Variants in WIPI2 observed in about 807,000 individuals in gnomAD.
WIPI2 encodes the protein WD repeat domain phosphoinositide-interacting protein 2.
Under a neutral mutation model 52.3 loss-of-function variants are expected in WIPI2, and 28 were observed. That is an observed-to-expected ratio of 0.54 (90% confidence interval 0.40 to 0.73). The LOEUF is 0.73. WIPI2 is among the 30% of genes least tolerant of loss of function. The pLI is 0.00. For synonymous variants in WIPI2, 268 were observed against 245.0 expected (o/e 1.09, Z -0.88); for missense variants, 506 against 602.9 (o/e 0.84, Z 1.68).
intron 11 of WIPI2, 43 bp downstream of exon 11, chr7:5,228,254 C>G: frequency 1.3e-6 from 2 of 1,535,956 alleles, no homozygotes; most frequent in Non-Finnish European, 1.8e-6. Flanking sequence ...TCCGTGCTGG[C>G]GGGGGGCTTT....
intron 7 of WIPI2, among the ~76,000 whole-genome samples, chr7:5,222,082 T>C (rs1783167283): frequency 6.6e-6 from 1 of 151,998 alleles, no homozygotes; most frequent in Non-Finnish European, 1.5e-5. Context: ...CCCGAGTAGT[T>C]GGGATTACAG....
intron 6 of WIPI2, 69 bp from the exon 7 acceptor site, chr7:5,217,853 C>G: frequency 6.6e-7 from 1 of 1,518,494 alleles, no homozygotes; most frequent in Non-Finnish European, 9.1e-7. Context: ...ACTTGCGGAC[C>G]AAGTGTCAGC....
At position 5,231,303 on chromosome 7, in the gene WIPI2, G is replaced by GTT. The variant is rs142445038; in HGVS notation, c.*361_*362dup. The GTT allele has an allele frequency of 0.02, 4,052 of 198,540 alleles. 175 individuals carry two copies. Among genetic ancestry groups the GTT allele is most frequent in the African/African-American group, 0.09 (3,851 of 42,754 alleles). The allele number at this position is 198,540 out of a possible 1,614,324, so 12.3% of individuals were successfully genotyped here. On this transcript the variant is annotated 3_prime_UTR_variant, in exon 13 of 13. Coordinates refer to ENST00000288828, the MANE Select transcript of WIPI2 (RefSeq NM_015610.4). ...CCACTTTCCAGCCACCTGCCGTTGG[G>GTT]TTTTTTCATATCTGTACATAATGCC...
At chr7:5,207,359 G>GT (rs1424613218) in intron 3 of WIPI2, among the ~76,000 whole-genome samples, 4 of 152,062 alleles carry the variant, frequency 2.6e-5, no homozygotes, top group East Asian at 3.8e-4. Context: ...CAGTGTTCTG[G>GT]TTTTTTTCTA....
chr7:5,219,163 C>T (rs562181165), intron 7 of WIPI2: 7 of 152,240 alleles, frequency 4.6e-5, no homozygotes, highest in Admixed American at 6.5e-5. Context: ...TTTGTTTCCC[C>T]TCAGCAAGGT....
chr7:5,199,778 T>C (rs902127848), intron 3 of WIPI2, 120 bp downstream of exon 3: 5 of 978,442 alleles, frequency 5.1e-6, no homozygotes, highest in Non-Finnish European at 7.4e-6. Flanking sequence ...TTACCAGTCC[T>C]CTGCTTCCAC....
At chr7:5,197,669 A>G (rs906846292) in intron 2 of WIPI2, among the ~76,000 whole-genome samples, 4 of 152,318 alleles carry the variant, frequency 2.6e-5, no homozygotes, top group Admixed American at 2.0e-4. Flanking sequence ...TTTCTTCCAC[A>G]TACGTGTGAA....
Position 5,190,277 on chromosome 7 carries a change from G to A in WIPI2, c.-143G>A. 2 of 406,638 alleles carry A rather than the reference G, an allele frequency of 4.9e-6. No homozygotes were observed. The highest frequency in any genetic ancestry group is 7.8e-6 in the Non-Finnish European group (2 of 256,108). The allele number at this position is 406,638 out of a possible 1,614,324, so 25.2% of individuals were successfully genotyped here. ...TGGAGCATAAACAAGAGCGGGGACG[G>A]GATGAGGCGGCGGTTGATCCCAGGG... is the stretch of plus-strand genomic sequence containing the variant. On this transcript the variant is annotated 5_prime_UTR_variant, in exon 1 of 13. Transcript: ENST00000288828.
chr7:5,226,976 A>G, intron 9 of WIPI2: 1 of 623,340 alleles, frequency 1.6e-6, no homozygotes, highest in South Asian at 2.1e-5. Flanking sequence ...AAGCCTGAGC[A>G]CCCCTCCCCC....
intron 2 of WIPI2, among the ~76,000 whole-genome samples, chr7:5,197,954 G>A (rs1781831072): frequency 6.6e-6 from 1 of 152,174 alleles, no homozygotes; most frequent in Non-Finnish European, 1.5e-5. Flanking sequence ...ACTGGGTTCT[G>A]GAGAGGCACT....
intron 3 of WIPI2, among the ~76,000 whole-genome samples, chr7:5,212,649 T>G (rs1296581386): frequency 6.6e-6 from 1 of 152,112 alleles, no homozygotes; most frequent in Non-Finnish European, 1.5e-5. Flanking sequence ...TCTTCCTACC[T>G]CAGCTACACA....
rs1035039485 is a variant in WIPI2, at chr7:5,227,670, C to T, written c.1013+326C>T. 2.0e-5 allele frequency among the ~76,000 whole-genome samples: 3 copies of T among 152,202 alleles called. No homozygotes were observed. Among genetic ancestry groups the T allele is most frequent in the Non-Finnish European group, 4.4e-5 (3 of 68,036 alleles). On this transcript the variant is annotated intron_variant, in intron 10 of 12. Transcript: ENST00000288828. This position sits in a 1 kb window ranked among gnomAD's most constrained non-coding sequence, Gnocchi z 8.1. ...CCGCACTTGCCGAGTCTCAGGCATC[C>T]GTCCGGCTCCAGGGTCTGGCCTCAG...
At chr7:5,201,018 A>C (rs367659010) in intron 3 of WIPI2, among the ~76,000 whole-genome samples, 36 of 152,280 alleles carry the variant, frequency 2.4e-4, no homozygotes, top group Middle Eastern at 3.4e-3. Context: ...TCTGCCACGG[A>C]GGCTGGGAGA....
At chr7:5,225,051 A>G (rs1303663036) in intron 8 of WIPI2, among the ~76,000 whole-genome samples, 2 of 152,160 alleles carry the variant, frequency 1.3e-5, no homozygotes, top group Non-Finnish European at 2.9e-5. Flanking sequence ...TTATGAAGAA[A>G]TTCACATGAA....
At chr7:5,201,040 C>T (rs1169368084) in intron 3 of WIPI2, among the ~76,000 whole-genome samples, 1 of 152,228 alleles carries the variant, frequency 6.6e-6, no homozygotes, top group African/African-American at 2.4e-5. Context: ...GTGATCTGGG[C>T]GATAACATAG....
chr7:5,221,229 G>A (rs1025911282), intron 7 of WIPI2, among the ~76,000 whole-genome samples: 1 of 151,860 alleles, frequency 6.6e-6, no homozygotes, highest in Non-Finnish European at 1.5e-5. Context: ...CCCAAAGCTT[G>A]GGATTACAGG....
intron 3 of WIPI2, among the ~76,000 whole-genome samples, chr7:5,210,707 CTTG>C (rs1782514478): frequency 1.3e-5 from 2 of 152,220 alleles, no homozygotes; most frequent in South Asian, 2.1e-4. Flanking sequence ...ACAGTTGATT[CTTG>C]TTGTTCACAG....
At chr7:5,207,804 C>T (rs1440808332) in intron 3 of WIPI2, among the ~76,000 whole-genome samples, 1 of 123,608 alleles carries the variant, frequency 8.1e-6, no homozygotes, top group Admixed American at 1.1e-4. Flanking sequence ...GAGTCTCTGT[C>T]GCCCAGGCTG....
chr7:5,197,473 AC>A (rs1479279870), intron 2 of WIPI2, among the ~76,000 whole-genome samples: 1 of 152,174 alleles, frequency 6.6e-6, no homozygotes, highest in Non-Finnish European at 1.5e-5. Flanking sequence ...AGGTAATAAT[AC>A]CTAATTATTT....
Sources: allele counts gnomAD v4.1 joint callset (sites outside exome capture counted in the v4.1 genomes callset), GRCh38; gene constraint gnomAD v4.1.1; non-coding constraint Gnocchi (gnomAD v3.1); transcripts MANE v1.5; gene names NCBI Gene and HGNC (gene_info 2026-07-23, HGNC 2026-07-21).